Variants in CNTN4 observed in about 807,000 individuals in gnomAD.
CNTN4 encodes the protein contactin 4.
A neutral mutation model predicts 122.5 loss-of-function variants in CNTN4; 77 were observed. The observed-to-expected ratio is 0.63, with a 90% confidence interval of 0.52 to 0.76. The LOEUF is 0.76. Among genes scored for constraint, CNTN4 ranks in the 30% least tolerant of loss-of-function variants. CNTN4 has a pLI of 0.00. For missense variants in CNTN4, 1,256 were observed against 1,259.1 expected (o/e 1.00, Z 0.04); for synonymous variants, 512 against 447.0 (o/e 1.15, Z -1.83).
intron 2 of CNTN4, among the ~76,000 whole-genome samples, chr3:2,315,773 C>G (rs911786890): frequency 2.0e-5 from 3 of 151,848 alleles, no homozygotes; most frequent in Admixed American, 1.3e-4. Flanking sequence ...AGTGTTGAGT[C>G]TTGGAGCTAT....
chr3:2,469,117 A>G (rs61292890), intron 3 of CNTN4, among the ~76,000 whole-genome samples: 1,838 of 152,306 alleles, frequency 0.012, 43 homozygotes, highest in African/African-American at 0.042. Flanking sequence ...GCTAACCACT[A>G]TCTCTCTTTA....
intron 3 of CNTN4, among the ~76,000 whole-genome samples, chr3:2,400,449 A>ATATATATATATATATATC (rs2046815485): frequency 8.0e-6 from 1 of 124,308 alleles, no homozygotes; most frequent in Non-Finnish European, 1.7e-5. Context: ...ATATATATAT[A>ATATATATATATATATATC]TCTCTTTTTT....
intron 3 of CNTN4, among the ~76,000 whole-genome samples, chr3:2,562,250 T>G (rs979417656): frequency 2.0e-5 from 3 of 152,182 alleles, no homozygotes; most frequent in South Asian, 2.1e-4. Flanking sequence ...TATTTTAAAT[T>G]CAGGGGGTAC....
At chr3:2,889,846 C>T (rs946736787) in intron 10 of CNTN4, among the ~76,000 whole-genome samples, 10 of 152,120 alleles carry the variant, frequency 6.6e-5, no homozygotes, top group African/African-American at 2.4e-4. Context: ...TAGAGGTTTC[C>T]TGCACTGGAA....
At chr3:2,313,125 C>G (rs1324313254) in intron 2 of CNTN4, among the ~76,000 whole-genome samples, 2 of 151,596 alleles carry the variant, frequency 1.3e-5, no homozygotes, top group East Asian at 3.9e-4. Context: ...AAATAATGAT[C>G]AAGAAATAGA....
intron 3 of CNTN4, among the ~76,000 whole-genome samples, chr3:2,389,340 ATTATGTTGTT>A (rs2046364357): frequency 7.1e-6 from 1 of 140,454 alleles, no homozygotes; most frequent in African/African-American, 2.7e-5. Context: ...CAGCCTTCTC[ATTATGTTGTT>A]CTCGGAGAAA....
intron 2 of CNTN4, among the ~76,000 whole-genome samples, chr3:2,141,241 A>T (rs1292761902): frequency 2.6e-5 from 4 of 152,202 alleles, no homozygotes; most frequent in African/African-American, 7.2e-5. Flanking sequence ...GACTCTGCCA[A>T]TATGATGAAG....
intron 12 of CNTN4, among the ~76,000 whole-genome samples, chr3:2,909,727 G>T (rs1227663655): frequency 6.6e-6 from 1 of 152,118 alleles, no homozygotes; most frequent in Non-Finnish European, 1.5e-5. Context: ...TGATTATCAG[G>T]CTTTATCGTG....
At chr3:2,697,605 G>T (rs2086110801) in intron 4 of CNTN4, among the ~76,000 whole-genome samples, 2 of 152,058 alleles carry the variant, frequency 1.3e-5, no homozygotes, top group South Asian at 4.1e-4. Context: ...TTAAGTCTTT[G>T]CAATTATATC....
At chr3:2,444,394 A>C (rs2048546311) in intron 3 of CNTN4, among the ~76,000 whole-genome samples, 1 of 152,136 alleles carries the variant, frequency 6.6e-6, no homozygotes, top group South Asian at 2.1e-4. Flanking sequence ...CAGGAACTAA[A>C]TACAAGGAGA....
chr3:2,390,996 A>T (rs1269854853), intron 3 of CNTN4, among the ~76,000 whole-genome samples: 1 of 152,216 alleles, frequency 6.6e-6, no homozygotes, highest in African/African-American at 2.4e-5. Context: ...AATGGTTATT[A>T]TCTGGCATAA....
At chr3:2,440,827 CTATA>C (rs1038769668) in intron 3 of CNTN4, among the ~76,000 whole-genome samples, 3 of 145,938 alleles carry the variant, frequency 2.1e-5, no homozygotes, top group East Asian at 4.0e-4. Flanking sequence ...ACATATATAA[CTATA>C]TATATTTTAT....
chr3:2,109,315 A>G (rs566773816), intron 2 of CNTN4, among the ~76,000 whole-genome samples: 1 of 152,274 alleles, frequency 6.6e-6, no homozygotes, highest in Admixed American at 6.5e-5. Context: ...CTTTTGGTTC[A>G]TAAGAAAGTG....
intron 7 of CNTN4, among the ~76,000 whole-genome samples, chr3:2,835,029 C>T (rs977236428): frequency 1.2e-4 from 18 of 150,752 alleles, no homozygotes; most frequent in African/African-American, 4.4e-4. Context: ...TTCAGCCTTC[C>T]CAGTAGCTGG....
Position 2,485,968 on chromosome 3 carries a change from C to T in CNTN4, c.-88-85448C>T, listed in dbSNP as rs940533070. On this transcript the variant is annotated intron_variant, in intron 3 of 24. Coordinates refer to ENST00000418658, the MANE Select transcript of CNTN4 (RefSeq NM_175607.3). ...CAACCCGCGCAGGTGCCCTTCCACA[C>T]TGTGGAAGCTTTGTTCTTTCGCTCT... Among the ~76,000 whole-genome samples the T allele has an allele frequency of 5.3e-5, 8 of 152,292 alleles. No individual in the cohort carries two copies. In the East Asian group the frequency reaches 1.5e-3, roughly 29 times the overall value.
intron 10 of CNTN4, among the ~76,000 whole-genome samples, chr3:2,895,510 C>G (rs1372935031): frequency 6.6e-6 from 1 of 152,110 alleles, no homozygotes. Context: ...GTTTTTATAT[C>G]TGAACTTGAG....
chr3:2,992,892 A>G (rs908213077), intron 14 of CNTN4, among the ~76,000 whole-genome samples: 1 of 152,216 alleles, frequency 6.6e-6, no homozygotes, highest in Non-Finnish European at 1.5e-5. Context: ...TAGAGTGCAT[A>G]TTAGAAGTGC....
At chr3:2,413,284 C>T (rs985603861) in intron 3 of CNTN4, among the ~76,000 whole-genome samples, 1 of 152,158 alleles carries the variant, frequency 6.6e-6, no homozygotes, top group Non-Finnish European at 1.5e-5. Flanking sequence ...TAAATTAGTT[C>T]AACAATGTTC....
intron 4 of CNTN4, among the ~76,000 whole-genome samples, chr3:2,589,369 T>C (rs1301129026): frequency 6.6e-6 from 1 of 152,234 alleles, no homozygotes; most frequent in Non-Finnish European, 1.5e-5. Context: ...TTTTGTTCAC[T>C]GATCTGTTAA....
Sources: allele counts gnomAD v4.1 joint callset (sites outside exome capture counted in the v4.1 genomes callset), GRCh38; gene constraint gnomAD v4.1.1; transcripts MANE v1.5; gene names NCBI Gene and HGNC (gene_info 2026-07-23, HGNC 2026-07-21).